Variants in PXDNL observed in about 807,000 individuals in gnomAD.
The protein encoded by PXDNL is peroxidasin like.
In PXDNL, 145 loss-of-function variants were observed where a neutral mutation model predicts 150.8. The ratio of observed to expected loss-of-function variants is 0.96; its 90% CI spans 0.84 to 1.10. The LOEUF (loss-of-function observed/expected upper bound fraction) is 1.10. Ranked by LOEUF, PXDNL falls within the 50% of genes least tolerant of loss-of-function variation. PXDNL has a pLI of 0.00. For synonymous variants in PXDNL, 757 were observed against 725.7 expected, an observed-to-expected ratio of 1.04 and a Z score of -0.69; for missense variants, 2,087 against 1,873.9, an observed-to-expected ratio of 1.11 and a Z score of -2.10.
intron 1 of PXDNL, among the ~76,000 whole-genome samples, chr8:51,751,551 C>A (rs1180930389): frequency 1.3e-5 from 2 of 152,106 alleles, no homozygotes; most frequent in African/African-American, 2.4e-5. Flanking sequence ...CTTTGTCTGA[C>A]CCCAAGTCAC....
intron 1 of PXDNL, among the ~76,000 whole-genome samples, chr8:51,774,203 G>A (rs991721359): frequency 6.6e-6 from 1 of 152,162 alleles, no homozygotes; most frequent in African/African-American, 2.4e-5. Flanking sequence ...TGTTTAAACT[G>A]TGATTTGCAT....
At chr8:51,335,737 C>T (rs1480545522) in intron 21 of PXDNL, among the ~76,000 whole-genome samples, 1 of 148,984 alleles carries the variant, frequency 6.7e-6, no homozygotes, top group Non-Finnish European at 1.5e-5. Flanking sequence ...GCCCTCTCCA[C>T]AGTCAGGTAA....
chr8:51,576,184 T>C (rs1813048069), intron 3 of PXDNL, among the ~76,000 whole-genome samples: 1 of 145,910 alleles, frequency 6.9e-6, no homozygotes, highest in African/African-American at 2.6e-5. Flanking sequence ...ACTCACATTA[T>C]TAGAACACTG....
intron 17 of PXDNL, among the ~76,000 whole-genome samples, chr8:51,396,337 C>T (rs929688761): frequency 1.3e-5 from 2 of 152,232 alleles, no homozygotes; most frequent in Non-Finnish European, 2.9e-5. Flanking sequence ...AGCACAGGGA[C>T]GTGGGAAGAC....
At chr8:51,515,635 C>A in intron 4 of PXDNL, among the ~76,000 whole-genome samples, 2 of 152,312 alleles carry the variant, frequency 1.3e-5, no homozygotes, top group South Asian at 4.1e-4. Flanking sequence ...GGACTGTCAG[C>A]CTCCTCCCAC....
intron 19 of PXDNL, among the ~76,000 whole-genome samples, chr8:51,357,678 C>T (rs1037212333): frequency 2.0e-5 from 3 of 152,170 alleles, no homozygotes; most frequent in African/African-American, 7.2e-5. Flanking sequence ...AAGTTGGCAA[C>T]ACCAGAGTGG....
intron 4 of PXDNL, among the ~76,000 whole-genome samples, chr8:51,514,514 A>T (rs1245485850): frequency 6.6e-6 from 1 of 152,216 alleles, no homozygotes; most frequent in East Asian, 1.9e-4. Flanking sequence ...GATAATTCAA[A>T]TGTTTATGAT....
At chr8:51,728,815 G>C (rs1437895902) in intron 1 of PXDNL, among the ~76,000 whole-genome samples, 1 of 152,148 alleles carries the variant, frequency 6.6e-6, no homozygotes, top group African/African-American at 2.4e-5. Context: ...TGTAGCCTAA[G>C]TCTACAGTGT....
At chr8:51,710,296 A>C (rs766922377) in intron 1 of PXDNL, among the ~76,000 whole-genome samples, 37 of 152,172 alleles carry the variant, frequency 2.4e-4, no homozygotes, top group Non-Finnish European at 4.1e-4. Flanking sequence ...TCTCTTTTTA[A>C]ATTTTTAGAA....
At chr8:51,364,417 C>T (rs1806851786) in intron 19 of PXDNL, among the ~76,000 whole-genome samples, 1 of 152,210 alleles carries the variant, frequency 6.6e-6, no homozygotes, top group African/African-American at 2.4e-5. Flanking sequence ...AAGAAGATAA[C>T]ACCATTGATG....
At chr8:51,758,243 T>C (rs2037124093) in intron 1 of PXDNL, among the ~76,000 whole-genome samples, 1 of 152,172 alleles carries the variant, frequency 6.6e-6, no homozygotes, top group African/African-American at 2.4e-5. Flanking sequence ...TAGCTAAACA[T>C]ACATATATAT....
chr8:51,634,156 C>A (rs1814552240), intron 2 of PXDNL, among the ~76,000 whole-genome samples: 1 of 151,966 alleles, frequency 6.6e-6, no homozygotes, highest in African/African-American at 2.4e-5. Context: ...TTTTTTTATA[C>A]AGTGAAATGT....
intron 4 of PXDNL, among the ~76,000 whole-genome samples, chr8:51,527,677 C>G (rs1359188916): frequency 6.6e-6 from 1 of 152,182 alleles, no homozygotes. Flanking sequence ...CAACACAGGT[C>G]TGGATCTCAT....
Position 51,475,133 on chromosome 8 carries a change from T to C in PXDNL, c.533A>G (p.Asp178Gly), listed in dbSNP as rs769420840. 1 of 1,612,020 alleles carries C rather than the reference T, an allele frequency of 6.2e-7. No individual in the cohort carries two copies. Among genetic ancestry groups the C allele is most frequent in the Non-Finnish European group, 8.5e-7 (1 of 1,178,448 alleles). The part of the protein sequence containing the change: ...NLDSLKRLRL[D>G]SNALVCDCDL... ...ACAGTCACAAACCAGGGCGTTGGAA[T>C]CCAGACGCCTAGGCATGCAGGCAAG... Residue 178 changes from aspartate (D) to glycine (G), a missense_variant, in exon 7 of 23, where the codon GAT becomes GGT. Transcript: ENST00000356297.
At chr8:51,355,911 C>G (rs1806491244) in intron 19 of PXDNL, among the ~76,000 whole-genome samples, 1 of 152,262 alleles carries the variant, frequency 6.6e-6, no homozygotes, top group South Asian at 2.1e-4. Context: ...GGCCACCCAG[C>G]TAAAGAAGAG....
chr8:51,464,010 C>T (rs943646628), intron 8 of PXDNL, among the ~76,000 whole-genome samples: 1 of 140,114 alleles, frequency 7.1e-6, no homozygotes, highest in Non-Finnish European at 1.5e-5. Context: ...AATTAACAAT[C>T]TAAAGGAACT....
chr8:51,783,376 T>C (rs540070961), intron 1 of PXDNL, among the ~76,000 whole-genome samples: 4 of 152,312 alleles, frequency 2.6e-5, no homozygotes, highest in South Asian at 2.1e-4. Context: ...CCTTCACTAA[T>C]AGAGAATAAA....
At chr8:51,802,492 A>G (rs1490763885) in intron 1 of PXDNL, among the ~76,000 whole-genome samples, 1 of 152,132 alleles carries the variant, frequency 6.6e-6, no homozygotes, top group African/African-American at 2.4e-5. Context: ...TTTTCAGGTT[A>G]TCAGCTATTG....
chr8:51,735,087 A>T (rs777925539), intron 1 of PXDNL, among the ~76,000 whole-genome samples: 1 of 152,246 alleles, frequency 6.6e-6, no homozygotes, highest in Admixed American at 6.5e-5. Context: ...GAGATAATGC[A>T]TGTTAATTGG....
Sources: allele counts gnomAD v4.1 joint callset (sites outside exome capture counted in the v4.1 genomes callset), GRCh38; gene constraint gnomAD v4.1.1; transcripts MANE v1.5; gene names NCBI Gene and HGNC (gene_info 2026-07-23, HGNC 2026-07-21).